The following EBF1 variants were observed in gnomAD, a reference collection of about 807,000 sequenced individuals.
EBF1 encodes transcription factor COE1.
EBF1 carries 10 observed loss-of-function variants against 68.4 expected under a neutral mutation model. The ratio of observed to expected loss-of-function variants is 0.15; its 90% CI spans 0.09 to 0.25. The LOEUF (loss-of-function observed/expected upper bound fraction) is 0.25, where lower values mean the gene tolerates loss of function less well. EBF1 is among the 10% of genes least tolerant of loss of function. The pLI is 1.00. For synonymous variants in EBF1, 298 were observed against 299.8 expected (o/e 0.99, Z 0.06); for missense variants, 509 against 794.4 (o/e 0.64, Z 4.32).
intron 8 of EBF1, 78 bp downstream of exon 8, chr5:158,823,098 G>A: frequency 6.3e-7 from 1 of 1,580,468 alleles, no homozygotes; most frequent in Non-Finnish European, 8.7e-7. Flanking sequence ...AATAGAACAT[G>A]TGGTGGAGTG....
At chr5:158,771,913 T>C (rs921052121) in intron 10 of EBF1, among the ~76,000 whole-genome samples, 41 of 152,132 alleles carry the variant, frequency 2.7e-4, no homozygotes, top group Admixed American at 2.0e-3. Context: ...CTGTCCACTA[T>C]ACCACAGCGG....
chr5:158,953,964 T>A (rs1583437538), intron 6 of EBF1, among the ~76,000 whole-genome samples: 1 of 152,230 alleles, frequency 6.6e-6, no homozygotes, highest in African/African-American at 2.4e-5. Context: ...TTTTACTGTA[T>A]TTTTCCCAAT....
intron 6 of EBF1, among the ~76,000 whole-genome samples, chr5:158,916,050 G>A (rs149180266): frequency 1.3e-5 from 2 of 152,230 alleles, no homozygotes; most frequent in African/African-American, 4.8e-5. Flanking sequence ...CCTCCTGACC[G>A]ACAAAGGGGG....
At chr5:158,914,173 T>G (rs572792575) in intron 6 of EBF1, among the ~76,000 whole-genome samples, 92 of 152,210 alleles carry the variant, frequency 6.0e-4, no homozygotes, top group Admixed American at 3.1e-3. Flanking sequence ...TACATGCATT[T>G]TTTTTCCTCC....
intron 6 of EBF1, among the ~76,000 whole-genome samples, chr5:158,865,640 T>C (rs1262117126): frequency 1.3e-5 from 2 of 152,320 alleles, no homozygotes; most frequent in East Asian, 3.9e-4. Flanking sequence ...CCGTGTTGTG[T>C]TGTGTTTGCT....
intron 6 of EBF1, among the ~76,000 whole-genome samples, chr5:158,984,945 A>T (rs35400133): frequency 0.17 from 25,767 of 151,670 alleles, 2,556 homozygotes; most frequent in African/African-American, 0.27. Context: ...GGCCTCCCAA[A>T]GTGCTGGGAC....
chr5:159,019,121 T>A (rs1766171214), intron 6 of EBF1: 1 of 152,190 alleles, frequency 6.6e-6, no homozygotes, highest in Non-Finnish European at 1.5e-5. Flanking sequence ...AAACCAACCA[T>A]AATTCCCACG....
chr5:159,079,192 C>A (rs1313692804), intron 5 of EBF1, among the ~76,000 whole-genome samples: 2 of 152,304 alleles, frequency 1.3e-5, no homozygotes, highest in East Asian at 3.9e-4. Context: ...ATCCTCGTCA[C>A]ACTAACTCAA....
At chr5:158,958,177 A>T (rs1173722054) in intron 6 of EBF1, among the ~76,000 whole-genome samples, 1 of 152,182 alleles carries the variant, frequency 6.6e-6, no homozygotes, top group Non-Finnish European at 1.5e-5. Flanking sequence ...TGGTGTCCTA[A>T]CTTGAGTGAA....
At chr5:159,064,950 T>C (rs539854428) in intron 6 of EBF1, among the ~76,000 whole-genome samples, 1 of 134,264 alleles carries the variant, frequency 7.4e-6, no homozygotes, top group East Asian at 2.4e-4. Flanking sequence ...TGTGCGTGTG[T>C]GTATGTGCGT....
intron 6 of EBF1, among the ~76,000 whole-genome samples, chr5:159,019,727 G>T (rs914970298): frequency 5.3e-5 from 8 of 152,092 alleles, no homozygotes; most frequent in Admixed American, 5.2e-4. Flanking sequence ...ACAGCGATTT[G>T]CATTAAAACT....
intron 14 of EBF1, 121 bp from the exon 15 acceptor site, chr5:158,708,294 A>C (rs1049765522): frequency 2.0e-6 from 2 of 998,376 alleles, no homozygotes; most frequent in East Asian, 5.3e-5. Flanking sequence ...TGCTTCCAGC[A>C]CAAACCTTCC....
chr5:158,774,570 T>G (rs191207089), intron 10 of EBF1, among the ~76,000 whole-genome samples: 4 of 152,214 alleles, frequency 2.6e-5, no homozygotes, highest in African/African-American at 9.6e-5. Context: ...CTTGAAATAC[T>G]ATGGATGTTA....
chr5:159,053,354 A>G (rs1376183365), intron 6 of EBF1, among the ~76,000 whole-genome samples: 1 of 152,230 alleles, frequency 6.6e-6, no homozygotes, highest in Admixed American at 6.5e-5. Flanking sequence ...GTTAGTTATC[A>G]TCAGTAATTA....
At chr5:158,865,530 T>TTGA (rs1020569385) in intron 6 of EBF1, among the ~76,000 whole-genome samples, 2 of 152,300 alleles carry the variant, frequency 1.3e-5, no homozygotes, top group South Asian at 2.1e-4. Flanking sequence ...TAGTACAAAT[T>TTGA]TGATGATGAT....
chr5:159,042,553 C>T (rs1470424578), intron 6 of EBF1, among the ~76,000 whole-genome samples: 1 of 151,178 alleles, frequency 6.6e-6, no homozygotes, highest in Admixed American at 6.6e-5. Flanking sequence ...ACACATATTA[C>T]TGTTTTCCCA....
At chr5:158,872,995 A>AT (rs1491045616) in intron 6 of EBF1, among the ~76,000 whole-genome samples, 7 of 108,044 alleles carry the variant, frequency 6.5e-5, no homozygotes, top group Non-Finnish European at 1.2e-4. Context: ...GAATGACACT[A>AT]ATTTTTTTTT....
At chr5:159,051,794 G>T (rs1264987425) in intron 6 of EBF1, among the ~76,000 whole-genome samples, 1 of 152,028 alleles carries the variant, frequency 6.6e-6, no homozygotes, top group Non-Finnish European at 1.5e-5. Flanking sequence ...AATCACAATC[G>T]CAGCCAGCAG....
chr5:158,785,966 G>A (rs188645558), intron 9 of EBF1, among the ~76,000 whole-genome samples: 2 of 152,226 alleles, frequency 1.3e-5, no homozygotes, highest in East Asian at 3.9e-4. Context: ...TATGTTTCCA[G>A]TGTTTAACAA....
Sources: allele counts gnomAD v4.1 joint callset (sites outside exome capture counted in the v4.1 genomes callset), GRCh38; gene constraint gnomAD v4.1.1; transcripts MANE v1.5; gene names NCBI Gene and HGNC (gene_info 2026-07-23, HGNC 2026-07-21).